Variants in DENR observed in about 807,000 individuals in gnomAD.
The protein encoded by DENR is density-regulated protein.
Under a neutral mutation model 30.6 loss-of-function variants are expected in DENR, and 6 were observed. The observed-to-expected ratio is 0.20, with a 90% CI of 0.11 to 0.39. DENR has a LOEUF of 0.39. Among genes scored for constraint, DENR ranks in the 10% least tolerant of loss-of-function variants. The probability of loss-of-function intolerance (pLI) is 1.00; values close to 1 mark genes in which losing one functional copy is unlikely to be tolerated. For missense variants in DENR, 141 were observed against 230.9 expected, an observed-to-expected ratio of 0.61 and a Z score of 2.52; for synonymous variants, 78 against 72.1, an observed-to-expected ratio of 1.08 and a Z score of -0.41.
At chr12:122,760,692 C>G (rs1878675596) in intron 2 of DENR, among the ~76,000 whole-genome samples, 1 of 152,184 alleles carries the variant, frequency 6.6e-6, no homozygotes, top group African/African-American at 2.4e-5. Context: ...GATAGTGCTA[C>G]TGCAGTCCGG....
rs1197452691 is a variant in DENR, at chr12:122,767,525, A to G, written c.333A>G (p.Val111=). 1.9e-6 allele frequency: 3 copies of G among 1,592,314 alleles called. No individual in the cohort carries two copies. Among genetic ancestry groups the G allele is most frequent in the Non-Finnish European group, 2.6e-6 (3 of 1,169,924 alleles). The part of the protein sequence containing the change: ...RGQIKQKKKT[V]PQKVTIAKIP... ...AAATAAAACAAAAAAAGAAGACCGT[A>G]CCACAAAAGGTTACTATAGCCAAAA... is the stretch of plus-strand genomic sequence containing the variant. The change falls in exon 6 of 8, where the codon GTA becomes GTG. Residue 111 remains valine (V), a synonymous_variant. Transcript: ENST00000280557.
At chr12:122,765,175 C>A in intron 4 of DENR, 129 bp from the exon 5 acceptor site, 2 of 670,856 alleles carry the variant, frequency 3.0e-6, no homozygotes, top group Non-Finnish European at 5.1e-6. Context: ...TAATCCATTG[C>A]TTTACAAATT....
intron 1 of DENR, 24 bp from the exon 2 acceptor site, chr12:122,753,669 G>T (rs745840391): frequency 1.9e-6 from 3 of 1,553,242 alleles, no homozygotes; most frequent in South Asian, 2.2e-5. Flanking sequence ...AATAGTGAGG[G>T]TGTGTTATTT....
chr12:122,753,900 C>G, intron 2 of DENR, 93 bp downstream of exon 2: 2 of 1,072,286 alleles, frequency 1.9e-6, no homozygotes, highest in Admixed American at 2.0e-5. Flanking sequence ...CTTCCCCATC[C>G]TTTTCATTTG....
chr12:122,768,758 CTCTT>C lies in DENR; in HGVS notation c.413-18_413-15del, dbSNP rs1175300268. The C allele has an allele frequency of 1.1e-5, 16 of 1,519,590 alleles. No individual in the cohort carries two copies. The highest frequency in any genetic ancestry group is 2.5e-5 in the East Asian group (1 of 40,788). 94.1% of individuals were successfully genotyped at this position (1,519,590 alleles called of 1,614,324 possible). The stretch of plus-strand genomic sequence containing the variant: ...TGCACAATTCCAATTACAGTTCTTG[CTCTT>C]TCTTTTTTTAAAAAAATAGAAATTG... On this transcript the variant is annotated intron_variant, in intron 6 of 7. Transcript: ENST00000280557.
intron 4 of DENR, 116 bp downstream of exon 4, chr12:122,763,045 A>C: frequency 1.6e-6 from 1 of 640,968 alleles, no homozygotes. Flanking sequence ...ATTAACATTT[A>C]TCTGTTAGCT....
At chr12:122,768,391 A>C (rs1411389252) in intron 6 of DENR, among the ~76,000 whole-genome samples, 1 of 152,074 alleles carries the variant, frequency 6.6e-6, no homozygotes, top group Non-Finnish European at 1.5e-5. Flanking sequence ...CCAGCTGTTC[A>C]GGAGGCTGAG....
rs1452656184 is a variant in DENR, at chr12:122,770,020, C to T, written c.*942C>T. 3 of 152,558 alleles carry T rather than the reference C, an allele frequency of 2.0e-5. No homozygotes were observed. The highest frequency in any genetic ancestry group is 3.8e-4 in the East Asian group (2 of 5,204). The allele number at this position is 152,558 out of a possible 1,614,324, so 9.5% of individuals were successfully genotyped here. A position where few individuals can be genotyped will look rare whatever the true frequency, so the allele number is the denominator to read the frequency against. ...TCTAATAGATCTGTGGTTGAATTTGCTGTGTTGTTATGAAGTCCACCCTGT... is the reference window on the plus strand; with the variant it reads ...TCTAATAGATCTGTGGTTGAATTTGTTGTGTTGTTATGAAGTCCACCCTGT... On this transcript the variant is annotated 3_prime_UTR_variant, in exon 8 of 8. Coordinates refer to ENST00000280557, the MANE Select transcript of DENR (RefSeq NM_003677.5).
At chr12:122,755,495 C>T (rs1033044110) in intron 2 of DENR, among the ~76,000 whole-genome samples, 2 of 152,166 alleles carry the variant, frequency 1.3e-5, no homozygotes, top group African/African-American at 4.8e-5. Flanking sequence ...AGGAGAATCA[C>T]TTGAACCCGG....
chr12:122,771,055 T>G lies in DENR; in HGVS notation c.*1977T>G, dbSNP rs1879024463. On this transcript the variant is annotated 3_prime_UTR_variant, in exon 8 of 8. Coordinates refer to ENST00000280557, the MANE Select transcript of DENR (RefSeq NM_003677.5). Reference sequence around the variant, plus strand: ...GGAAAATGCAGGATTAAAATTGTCCTTGTGTATAACGTGTGAATCATTTTT... The same window carrying G: ...GGAAAATGCAGGATTAAAATTGTCCGTGTGTATAACGTGTGAATCATTTTT... The G allele has an allele frequency of 3.9e-6, 1 of 258,920 alleles. No homozygotes were observed. The highest frequency in any genetic ancestry group is 7.2e-6 in the Non-Finnish European group (1 of 138,546). The allele number at this position is 258,920 out of a possible 1,614,324, so 16.0% of individuals were successfully genotyped here.
chr12:122,754,104 C>T (rs999923568), intron 2 of DENR: 1 of 374,152 alleles, frequency 2.7e-6, no homozygotes. Flanking sequence ...CAAAGGAGGG[C>T]TTCTTGGAAG....
intron 6 of DENR, among the ~76,000 whole-genome samples, chr12:122,767,847 G>GA (rs1189475964): frequency 6.6e-6 from 1 of 152,196 alleles, no homozygotes; most frequent in Non-Finnish European, 1.5e-5. Context: ...TTTTATGTGG[G>GA]ATGAGGACGG....
chr12:122,765,860 A>G (rs1191239971), intron 5 of DENR, among the ~76,000 whole-genome samples: 1 of 152,092 alleles, frequency 6.6e-6, no homozygotes, highest in Admixed American at 6.6e-5. Flanking sequence ...ATTTATATAA[A>G]AAATTTTATC....
rs34056825 is a variant in DENR at position 122,769,251 on chromosome 12, T to TAC, written c.*174_*175insCA. 0.92 allele frequency: 648,397 copies of TAC among 706,352 alleles called. 300,677 individuals carry two copies. Among genetic ancestry groups the TAC allele is most frequent in the Non-Finnish European group, 0.93 (514,451 of 551,082 alleles). 43.8% of individuals were successfully genotyped at this position (706,352 alleles called of 1,614,324 possible). A position where few individuals can be genotyped will look rare whatever the true frequency, so the allele number is the denominator to read the frequency against. On this transcript the variant is annotated 3_prime_UTR_variant, in exon 8 of 8. Coordinates refer to ENST00000280557, the MANE Select transcript of DENR (RefSeq NM_003677.5). ...ACATGTGTGTATGTATACATGTATATATATATACATACACATATATGTATA... is the reference window on the plus strand; with the variant it reads ...ACATGTGTGTATGTATACATGTATATACATATATACATACACATATATGTATA...
Position 122,770,649 on chromosome 12 carries a change from A to G in DENR, c.*1571A>G. ...CTTTAAGTCAGGTGCTGCAAATTGG[A>G]AAGAAGACTTGTGGTGTTTTAAGTT... On this transcript the variant is annotated 3_prime_UTR_variant, in exon 8 of 8. Transcript: ENST00000280557. The G allele has an allele frequency of 2.5e-6, 1 of 398,556 alleles. No homozygotes were observed. Among genetic ancestry groups the G allele is most frequent in the Admixed American group, 4.4e-5 (1 of 22,726 alleles). 24.7% of individuals were successfully genotyped at this position (398,556 alleles called of 1,614,324 possible).
At chr12:122,753,881 G>T in intron 2 of DENR, 74 bp downstream of exon 2, 1 of 1,226,110 alleles carries the variant, frequency 8.2e-7, no homozygotes, top group Non-Finnish European at 1.2e-6. Flanking sequence ...TTGACATTTG[G>T]TAAGCTTTCT....
chr12:122,757,094 A>G (rs1231174958), intron 2 of DENR, among the ~76,000 whole-genome samples: 2 of 152,196 alleles, frequency 1.3e-5, no homozygotes, highest in African/African-American at 2.4e-5. Context: ...AAACCCTCCA[A>G]TAGAATACCC....
At chr12:122,757,356 A>T (rs1429052085) in intron 2 of DENR, among the ~76,000 whole-genome samples, 2 of 152,248 alleles carry the variant, frequency 1.3e-5, no homozygotes, top group East Asian at 3.8e-4. Context: ...ACTGAGCTTA[A>T]CTGGGAAGAC....
rs1158780492 is a variant in DENR, at chr12:122,770,010, G to A, written c.*932G>A. 5 of 152,578 alleles carry A rather than the reference G, an allele frequency of 3.3e-5. No homozygotes were observed. Among genetic ancestry groups the A allele is most frequent in the Admixed American group, 2.6e-4 (4 of 15,276 alleles). The allele number at this position is 152,578 out of a possible 1,614,324, so 9.5% of individuals were successfully genotyped here. On this transcript the variant is annotated 3_prime_UTR_variant, in exon 8 of 8. Coordinates refer to ENST00000280557, the MANE Select transcript of DENR (RefSeq NM_003677.5). ...TGGGTGAGAATCTAATAGATCTGTG[G>A]TTGAATTTGCTGTGTTGTTATGAAG... is the stretch of plus-strand genomic sequence containing the variant.
Sources: gnomAD v4.1 joint callset for allele counts (sites outside exome capture counted in the v4.1 genomes callset) on GRCh38, gnomAD v4.1.1 for gene constraint, MANE v1.5 for transcripts, NCBI Gene and HGNC (gene_info 2026-07-23, HGNC 2026-07-21) for gene names.